Variants in SLC2A12 observed in about 807,000 individuals in gnomAD.
SLC2A12 encodes solute carrier family 2, facilitated glucose transporter member 12.
Under a neutral mutation model 41.8 loss-of-function variants are expected in SLC2A12, and 23 were observed. The ratio of observed to expected loss-of-function variants is 0.55; its 90% CI spans 0.40 to 0.78. The LOEUF (loss-of-function observed/expected upper bound fraction) is 0.78. Ranked by LOEUF, SLC2A12 falls within the 30% of genes least tolerant of loss-of-function variation. The pLI, the probability that SLC2A12 is intolerant of heterozygous loss-of-function variation, is 0.00. For missense variants in SLC2A12, 654 were observed against 745.6 expected (o/e 0.88, Z 1.43); for synonymous variants, 295 against 285.9 (o/e 1.03, Z -0.32).
chr6:134,020,563 A>T lies in SLC2A12; in HGVS notation c.1444+7818T>A, dbSNP rs578131122. 7.2e-5 allele frequency among the ~76,000 whole-genome samples: 11 copies of T among 152,378 alleles called. No homozygotes were observed. The South Asian group carries it at 1.7e-3, about 23-fold the overall frequency. On this transcript the variant is annotated intron_variant, in intron 2 of 4. Transcript: ENST00000275230. ...GATATTTTCTTTAGAAAAGAAAAAG[A>T]AACTAAAATGTGAATATGGATGTAA...
intron 1 of SLC2A12, among the ~76,000 whole-genome samples, chr6:134,030,089 G>A (rs1171809924): frequency 1.3e-5 from 2 of 152,138 alleles, no homozygotes; most frequent in Non-Finnish European, 2.9e-5. Context: ...GAAATTCAAA[G>A]AGCCTGACTC....
Position 134,006,870 on chromosome 6 carries a change from A to AC in SLC2A12, c.1508_1509insG (p.Ser504PhefsTer2), listed in dbSNP as rs1220832377. The AC allele has an allele frequency of 6.2e-7, 1 of 1,614,084 alleles. No homozygotes were observed. Among genetic ancestry groups the AC allele is most frequent in the African/African-American group, 1.3e-5 (1 of 74,942 alleles). ...GATTGATGCCCCAGTTCATGCTAGAAGTTAAAGCCATGGCTCGTCCTCTGA... is the reference window on the plus strand; with the variant it reads ...GATTGATGCCCCAGTTCATGCTAGAACGTTAAAGCCATGGCTCGTCCTCTGA... On this transcript the variant is annotated frameshift_variant, in exon 3 of 5. Transcript: ENST00000275230. LOFTEE classifies it high-confidence loss of function.
chr6:134,032,109 G>C (rs985298172), intron 1 of SLC2A12, among the ~76,000 whole-genome samples: 1 of 151,970 alleles, frequency 6.6e-6, no homozygotes, highest in African/African-American at 2.4e-5. Flanking sequence ...AGTGAAATAA[G>C]CAGGTCAAAT....
chr6:134,040,058 G>GTTTTTTTTTTTTTTTTTTTT (rs11371413), intron 1 of SLC2A12, among the ~76,000 whole-genome samples: 2 of 139,332 alleles, frequency 1.4e-5, no homozygotes, highest in Non-Finnish European at 1.5e-5. Flanking sequence ...GTTGTTTTTT[G>GTTTTTTTTTTTTTTTTTTTT]TTTTTTTTTT....
intron 4 of SLC2A12, among the ~76,000 whole-genome samples, chr6:133,991,577 C>G (rs1776624822): frequency 6.6e-6 from 1 of 152,154 alleles, no homozygotes; most frequent in South Asian, 2.1e-4. Flanking sequence ...GTATTACATA[C>G]AGAGAACCAG....
chr6:134,009,608 C>T (rs1357540764), intron 2 of SLC2A12, among the ~76,000 whole-genome samples: 1 of 151,932 alleles, frequency 6.6e-6, no homozygotes, highest in African/African-American at 2.4e-5. Context: ...ATTGCTTGAG[C>T]TCAGTAGTTA....
In SLC2A12 at chr6:134,029,740, G is replaced by T; in HGVS notation, c.104-19C>A. 1 of 1,579,800 alleles carries T rather than the reference G, an allele frequency of 6.3e-7. No homozygotes were observed. Among genetic ancestry groups the T allele is most frequent in the Non-Finnish European group, 8.6e-7 (1 of 1,167,230 alleles). Reference sequence around the variant, plus strand: ...CCGCAGCCTGCAAGCAGAGAGAAGAGACAGGGAGGTCAGTTCTCAGTTGAG... The same window carrying T: ...CCGCAGCCTGCAAGCAGAGAGAAGATACAGGGAGGTCAGTTCTCAGTTGAG... On this transcript the variant is annotated intron_variant, in intron 1 of 4. Coordinates refer to ENST00000275230, the MANE Select transcript of SLC2A12 (RefSeq NM_145176.3).
At chr6:133,994,020 G>A (rs893374441) in intron 4 of SLC2A12, among the ~76,000 whole-genome samples, 1 of 152,114 alleles carries the variant, frequency 6.6e-6, no homozygotes, top group Non-Finnish European at 1.5e-5. Flanking sequence ...ACTGATGGGA[G>A]GGGACAAAGG....
intron 1 of SLC2A12, among the ~76,000 whole-genome samples, chr6:134,046,856 C>T (rs955253312): frequency 1.6e-4 from 24 of 151,982 alleles, no homozygotes; most frequent in African/African-American, 5.3e-4. Context: ...TTAGCAAATG[C>T]ATAAAATAAG....
At position 134,028,567 on chromosome 6, in the gene SLC2A12, T is replaced by G. The variant is rs750997944; in HGVS notation, c.1258A>C (p.Met420Leu). ...GISSHSRSSL[M>L]PLRNDVDKRG... The stretch of plus-strand genomic sequence containing the variant: ...TTATCCACATCATTTCTCAGGGGCA[T>G]GAGTGAGCTTCTGCTATGGGAAGAA... The change falls in exon 2 of 5, where the codon ATG becomes CTG. Residue 420 changes from methionine to leucine, a missense_variant. Physicochemically the swap from Met to Leu is conservative, Grantham distance 15. Transcript: ENST00000275230. 6.2e-7 allele frequency: 1 copy of G among 1,614,062 alleles called. No homozygotes were observed. Among genetic ancestry groups the G allele is most frequent in the Non-Finnish European group, 8.5e-7 (1 of 1,180,026 alleles).
In SLC2A12 at chr6:134,028,761, G is replaced by A; in HGVS notation, c.1064C>T (p.Ala355Val). The change falls in exon 2 of 5, where the codon GCA becomes GTA. Residue 355 changes from alanine to valine, a missense_variant. Transcript: ENST00000275230. ...TFLCIGSSVM[A>V]ASLVTMGIVN... ...GATGCCCATGGTCACCAACGAAGCT[G>A]CCATCACAGAGGAGCCAATGCAGAG... is the stretch of plus-strand genomic sequence containing the variant. 1 of 1,614,204 alleles carries A rather than the reference G, an allele frequency of 6.2e-7. No individual in the cohort carries two copies. The highest frequency in any genetic ancestry group is 8.5e-7 in the Non-Finnish European group (1 of 1,180,036).
At chr6:134,047,405 G>A (rs978832797) in intron 1 of SLC2A12, among the ~76,000 whole-genome samples, 9 of 152,128 alleles carry the variant, frequency 5.9e-5, no homozygotes, top group South Asian at 4.2e-4. Context: ...CTATGAAACC[G>A]TGATTCTAAA....
intron 4 of SLC2A12, among the ~76,000 whole-genome samples, chr6:133,997,197 C>G (rs1442526336): frequency 6.7e-6 from 1 of 150,314 alleles, no homozygotes; most frequent in Non-Finnish European, 1.5e-5. Flanking sequence ...GCGGAGCTTA[C>G]AGTGAGCTGA....
chr6:134,007,326 T>C (rs2114434381), intron 2 of SLC2A12, among the ~76,000 whole-genome samples: 1 of 152,320 alleles, frequency 6.6e-6, no homozygotes, highest in East Asian at 1.9e-4. Context: ...CAGGTGTACC[T>C]GCTGTAGGAC....
intron 2 of SLC2A12, among the ~76,000 whole-genome samples, chr6:134,024,189 C>T (rs1582613284): frequency 6.6e-6 from 1 of 152,218 alleles, no homozygotes; most frequent in Admixed American, 6.5e-5. Context: ...CTGCAGGTCG[C>T]CTGCCTCACT....
At chr6:134,052,296 C>CACACACAT in intron 1 of SLC2A12, 82 bp downstream of exon 1, 1 of 1,119,672 alleles carries the variant, frequency 8.9e-7, no homozygotes, top group Non-Finnish European at 1.3e-6. Flanking sequence ...CACACACACA[C>CACACACAT]GGGACTCAAG....
At chr6:133,998,936 C>T (rs537102573) in intron 4 of SLC2A12, among the ~76,000 whole-genome samples, 21 of 152,236 alleles carry the variant, frequency 1.4e-4, no homozygotes, top group Admixed American at 3.9e-4. Context: ...GCCAACAAAA[C>T]AAGTTATAAA....
chr6:134,011,688 C>T (rs569930974), intron 2 of SLC2A12, among the ~76,000 whole-genome samples: 5 of 152,052 alleles, frequency 3.3e-5, no homozygotes, highest in East Asian at 3.9e-4. Flanking sequence ...GCCATGATCA[C>T]GCCACTGCAC....
chr6:133,991,374 A>G, intron 4 of SLC2A12, 66 bp from the exon 5 acceptor site: 2 of 1,544,036 alleles, frequency 1.3e-6, no homozygotes, highest in African/African-American at 1.4e-5. Context: ...TGTGTAGGCT[A>G]TTATTTTTTA....
Sources: allele counts gnomAD v4.1 joint callset (sites outside exome capture counted in the v4.1 genomes callset), GRCh38; gene constraint gnomAD v4.1.1; transcripts MANE v1.5; gene names NCBI Gene and HGNC (gene_info 2026-07-23, HGNC 2026-07-21).